MRPS9: variants seen among roughly 807,000 people sequenced by gnomAD.
MRPS9 encodes the protein small ribosomal subunit protein uS9m.
In MRPS9, 45 loss-of-function variants were observed where a neutral mutation model predicts 59.9. The ratio of observed to expected loss-of-function variants is 0.75; its 90% CI spans 0.59 to 0.96. The LOEUF (loss-of-function observed/expected upper bound fraction) is 0.96. MRPS9 is among the 40% of genes least tolerant of loss of function. The probability of loss-of-function intolerance (pLI) is 0.00; values close to 1 mark genes in which losing one functional copy is unlikely to be tolerated. For missense variants in MRPS9, 473 were observed against 481.1 expected (o/e 0.98, Z 0.16); for synonymous variants, 171 against 166.8 (o/e 1.03, Z -0.19).
chr2:105,058,484 T>G (rs567475004), intron 2 of MRPS9, among the ~76,000 whole-genome samples: 1 of 152,226 alleles, frequency 6.6e-6, no homozygotes, highest in African/African-American at 2.4e-5. Context: ...TTTAGGGAAC[T>G]GTTGAATATC....
In MRPS9 at chr2:105,063,844, A is replaced by G. The variant is rs896678431; in HGVS notation, c.316-7469A>G. Reference sequence around the variant, plus strand: ...TTGGTTGTTGATTTATTCTTTGAGTATCTGCTGTGTTCTAATTCTGAAGTG... The same window carrying G: ...TTGGTTGTTGATTTATTCTTTGAGTGTCTGCTGTGTTCTAATTCTGAAGTG... On this transcript the variant is annotated intron_variant, in intron 2 of 10. Transcript: ENST00000258455. Among the ~76,000 whole-genome samples the G allele has an allele frequency of 3.9e-5, 6 of 152,200 alleles. No individual in the cohort carries two copies. In the East Asian group the frequency reaches 9.6e-4, roughly 24 times the overall value.
intron 2 of MRPS9, among the ~76,000 whole-genome samples, chr2:105,066,519 C>T (rs974676040): frequency 6.6e-6 from 1 of 152,192 alleles, no homozygotes; most frequent in African/African-American, 2.4e-5. Context: ...GTCTTCATGA[C>T]AGATCCAACT....
intron 1 of MRPS9, among the ~76,000 whole-genome samples, chr2:105,047,087 A>T (rs1310942930): frequency 6.6e-6 from 1 of 151,932 alleles, no homozygotes; most frequent in African/African-American, 2.4e-5. Flanking sequence ...TGGCAAGGGG[A>T]GCAGGGGTGT....
At chr2:105,080,393 T>C (rs1161443909) in intron 5 of MRPS9, among the ~76,000 whole-genome samples, 1 of 152,220 alleles carries the variant, frequency 6.6e-6, no homozygotes, top group African/African-American at 2.4e-5. Context: ...TATGATGCTG[T>C]CGGGGGCTGT....
chr2:105,068,697 C>T (rs80313680), intron 2 of MRPS9, among the ~76,000 whole-genome samples: 2,466 of 152,162 alleles, frequency 0.016, 64 homozygotes, highest in African/African-American at 0.057. Context: ...TGTATTTTCC[C>T]CCTGTATTTA....
rs148058031 is a variant in MRPS9, at chr2:105,048,523, A to C, written c.136-648A>C. Among the ~76,000 whole-genome samples the C allele has an allele frequency of 4.3e-3, 654 of 152,002 alleles. 4 individuals carry two copies. The highest frequency in any genetic ancestry group is 0.015 in the African/African-American group (622 of 41,510). Reference sequence around the variant, plus strand: ...ATAATAATAATTTTAAAAAAAAGAAAAATAAAAGATATGCGAGCCCTTATT... The same window carrying C: ...ATAATAATAATTTTAAAAAAAAGAACAATAAAAGATATGCGAGCCCTTATT... On this transcript the variant is annotated intron_variant, in intron 1 of 10. Coordinates refer to ENST00000258455, the MANE Select transcript of MRPS9 (RefSeq NM_182640.3).
chr2:105,071,471 A>G lies in MRPS9; in HGVS notation c.391A>G (p.Ile131Val), dbSNP rs1416105664. 2 of 1,604,738 alleles carry G rather than the reference A, an allele frequency of 1.2e-6. No homozygotes were observed. The highest frequency in any genetic ancestry group is 1.7e-6 in the Non-Finnish European group (2 of 1,174,820). Residue 131 changes from isoleucine to valine, a missense_variant, in exon 4 of 11, where the codon ATT becomes GTT. Coordinates refer to ENST00000258455, the MANE Select transcript of MRPS9 (RefSeq NM_182640.3). ...ATTTATTTTACAGCATCCTGAACAGATTTTTCCAAGACAAAGAGGTAAGTT... is the reference window on the plus strand; with the variant it reads ...ATTTATTTTACAGCATCCTGAACAGGTTTTTCCAAGACAAAGAGGTAAGTT... ...ARPVMKHPEQIFPRQRAIQWG... is the reference protein window; with the variant it reads ...ARPVMKHPEQVFPRQRAIQWG...
At chr2:105,082,699 A>G (rs552148938) in intron 5 of MRPS9, among the ~76,000 whole-genome samples, 1 of 152,270 alleles carries the variant, frequency 6.6e-6, no homozygotes, top group East Asian at 1.9e-4. Context: ...GCGTGATAGG[A>G]AAGTATAAAG....
chr2:105,072,538 A>C (rs895870210), intron 4 of MRPS9, among the ~76,000 whole-genome samples: 1 of 152,226 alleles, frequency 6.6e-6, no homozygotes, highest in African/African-American at 2.4e-5. Context: ...TTATAGAAAT[A>C]AGTACAACTG....
At chr2:105,063,756 A>G (rs940367803) in intron 2 of MRPS9, among the ~76,000 whole-genome samples, 1 of 152,204 alleles carries the variant, frequency 6.6e-6, no homozygotes, top group Non-Finnish European at 1.5e-5. Flanking sequence ...TTGTATTTAC[A>G]TTTCCCTAGT....
chr2:105,060,160 A>G (rs1244762906), intron 2 of MRPS9, among the ~76,000 whole-genome samples: 3 of 151,868 alleles, frequency 2.0e-5, no homozygotes, highest in Non-Finnish European at 4.4e-5. Flanking sequence ...AAGTAGCCCT[A>G]TTACCCCAAC....
intron 2 of MRPS9, among the ~76,000 whole-genome samples, chr2:105,052,873 GAGTTTAC>G (rs1324317580): frequency 1.3e-5 from 2 of 152,088 alleles, no homozygotes; most frequent in African/African-American, 4.8e-5. Context: ...TTACCCAATT[GAGTTTAC>G]TACTAAGATG....
intron 2 of MRPS9, among the ~76,000 whole-genome samples, chr2:105,061,898 T>C (rs1343892904): frequency 2.0e-5 from 3 of 152,154 alleles, no homozygotes; most frequent in African/African-American, 7.2e-5. Context: ...AGAAAGAAAC[T>C]GCAAAAACAA....
intron 2 of MRPS9, 23 bp downstream of exon 2, chr2:105,049,373 A>G (rs1165225693): frequency 6.3e-7 from 1 of 1,587,292 alleles, no homozygotes; most frequent in Non-Finnish European, 8.6e-7. Flanking sequence ...ACTCTGTTGA[A>G]AAAGTAATTG....
chr2:105,080,478 CT>C (rs1406333969), intron 5 of MRPS9, among the ~76,000 whole-genome samples: 1 of 151,956 alleles, frequency 6.6e-6, no homozygotes, highest in Non-Finnish European at 1.5e-5. Flanking sequence ...TAATTTTTGC[CT>C]TTCATAGGTT....
intron 9 of MRPS9, among the ~76,000 whole-genome samples, chr2:105,093,986 G>A (rs536224640): frequency 2.7e-4 from 41 of 152,248 alleles, no homozygotes; most frequent in South Asian, 8.3e-4. Flanking sequence ...GGGGATGGGC[G>A]TGCACAAAAC....
intron 1 of MRPS9, chr2:105,038,493 TGCTGA>T (rs1679435286): frequency 2.2e-6 from 1 of 459,060 alleles, no homozygotes; most frequent in Non-Finnish European, 4.0e-6. Context: ...TTCATTTGGC[TGCTGA>T]GCTAAGTAAG....
chr2:105,050,433 C>T (rs1679690707), intron 2 of MRPS9, among the ~76,000 whole-genome samples: 1 of 152,128 alleles, frequency 6.6e-6, no homozygotes, highest in East Asian at 1.9e-4. Flanking sequence ...AGCCACCCGG[C>T]CCGGTCCAGA....
At chr2:105,039,661 A>G (rs754725138) in intron 1 of MRPS9, among the ~76,000 whole-genome samples, 1 of 152,318 alleles carries the variant, frequency 6.6e-6, no homozygotes, top group South Asian at 2.1e-4. Flanking sequence ...AGGGTCCCCT[A>G]TTATGTTTTT....
Sources: gnomAD v4.1 joint callset for allele counts (sites outside exome capture counted in the v4.1 genomes callset) on GRCh38, gnomAD v4.1.1 for gene constraint, MANE v1.5 for transcripts, NCBI Gene and HGNC (gene_info 2026-07-23, HGNC 2026-07-21) for gene names.